TENM3: variants seen among roughly 807,000 people sequenced by gnomAD.
TENM3 encodes teneurin-3.
In TENM3, 63 loss-of-function variants were observed where a neutral mutation model predicts 255.1. The observed-to-expected ratio is 0.25, with a 90% CI of 0.20 to 0.30. The LOEUF (loss-of-function observed/expected upper bound fraction) is 0.30. Among genes scored for constraint, TENM3 ranks in the 10% least tolerant of loss-of-function variants. TENM3 has a pLI of 1.00. For synonymous variants in TENM3, 1,306 were observed against 1,322.3 expected (o/e 0.99, Z 0.27); for missense variants, 2,929 against 3,461.1 (o/e 0.85, Z 3.86).
At chr4:182,266,115 C>CGGTGTG (rs1432081370) in intron 1 of TENM3, among the ~76,000 whole-genome samples, 1 of 152,150 alleles carries the variant, frequency 6.6e-6, no homozygotes, top group Non-Finnish European at 1.5e-5. Context: ...CACTTCTGCC[C>CGGTGTG]GGTGTGTCCT....
chr4:182,725,181 G>A (rs1342295357), intron 13 of TENM3, among the ~76,000 whole-genome samples: 1 of 151,928 alleles, frequency 6.6e-6, no homozygotes, highest in Non-Finnish European at 1.5e-5. Flanking sequence ...GGGACTTCAG[G>A]TGCACACCAC....
At chr4:182,186,189 T>C (rs990854569) in intron 1 of TENM3, among the ~76,000 whole-genome samples, 15 of 152,156 alleles carry the variant, frequency 9.9e-5, no homozygotes, top group African/African-American at 3.6e-4. Context: ...CTCATGCAAG[T>C]GTGTGTGCAT....
At chr4:182,606,126 C>T (rs1021677703) in intron 4 of TENM3, among the ~76,000 whole-genome samples, 1 of 152,168 alleles carries the variant, frequency 6.6e-6, no homozygotes, top group Non-Finnish European at 1.5e-5. Context: ...GAAAAAGCTT[C>T]TATTGGCCTC....
chr4:181,617,092 A>C, the TENM3 span, among the ~76,000 whole-genome samples: 1 of 152,146 alleles, frequency 6.6e-6, no homozygotes, highest in African/African-American at 2.4e-5. Context: ...CACACACACT[A>C]ATGCACCAAT....
the TENM3 span, among the ~76,000 whole-genome samples, chr4:181,956,695 T>A: frequency 2.0e-5 from 3 of 152,316 alleles, no homozygotes; most frequent in Admixed American, 6.5e-5. Flanking sequence ...TTCTTCGGAT[T>A]CCCAAGGCTA....
chr4:181,587,124 G>A, the TENM3 span, among the ~76,000 whole-genome samples: 2 of 152,154 alleles, frequency 1.3e-5, no homozygotes, highest in South Asian at 4.2e-4. Context: ...AATATGTCTA[G>A]GCCAATGTAT....
At chr4:181,688,424 T>A in the TENM3 span, among the ~76,000 whole-genome samples, 1 of 152,196 alleles carries the variant, frequency 6.6e-6, no homozygotes, top group East Asian at 1.9e-4. Context: ...GTAAGTCGTA[T>A]CTTCAAACTC....
the TENM3 span, among the ~76,000 whole-genome samples, chr4:182,009,212 T>G: frequency 6.6e-6 from 1 of 152,086 alleles, no homozygotes; most frequent in South Asian, 2.1e-4. Context: ...TCTCATCCAG[T>G]TGGGTGGCAT....
chr4:181,904,579 G>A, the TENM3 span, among the ~76,000 whole-genome samples: 1 of 152,084 alleles, frequency 6.6e-6, no homozygotes, highest in Non-Finnish European at 1.5e-5. Context: ...AGGCCTAAAG[G>A]GATGTGACCC....
the TENM3 span, among the ~76,000 whole-genome samples, chr4:181,560,380 A>G: frequency 6.6e-6 from 1 of 152,120 alleles, no homozygotes; most frequent in Non-Finnish European, 1.5e-5. Flanking sequence ...GGGGACACAA[A>G]CATTCTGTCT....
chr4:182,325,525 CAT>C (rs1387849744), intron 2 of TENM3, among the ~76,000 whole-genome samples: 4 of 152,106 alleles, frequency 2.6e-5, no homozygotes, highest in Non-Finnish European at 4.4e-5. Context: ...AGATACAAAA[CAT>C]ATTTGAGGTA....
At chr4:181,961,577 G>A in the TENM3 span, among the ~76,000 whole-genome samples, 3 of 151,920 alleles carry the variant, frequency 2.0e-5, no homozygotes, top group South Asian at 2.1e-4. Flanking sequence ...CCGCCACCAC[G>A]TCCGGCTAAT....
In TENM3 at chr4:182,802,309, A is replaced by G. The variant is rs1443119721; in HGVS notation, c.*1958A>G. 6.6e-6 allele frequency: 1 copy of G among 152,668 alleles called. No homozygotes were observed. Among genetic ancestry groups the G allele is most frequent in the Admixed American group, 6.5e-5 (1 of 15,292 alleles). The allele number at this position is 152,668 out of a possible 1,614,324, so 9.5% of individuals were successfully genotyped here. On this transcript the variant is annotated 3_prime_UTR_variant, in exon 28 of 28. Transcript: ENST00000511685. ...TTTTTTATTCTGGAAATCCTTTGGC[A>G]AGTATTATGAAGCCCAAATTTAGAA... is the stretch of plus-strand genomic sequence containing the variant.
At chr4:182,158,138 A>G (rs1750840780) in intron 1 of TENM3, among the ~76,000 whole-genome samples, 1 of 152,200 alleles carries the variant, frequency 6.6e-6, no homozygotes, top group Admixed American at 6.5e-5. Flanking sequence ...TTTCTCCAAA[A>G]GGAGGTGCCA....
chr4:181,830,918 T>G, the TENM3 span, among the ~76,000 whole-genome samples: 1 of 152,166 alleles, frequency 6.6e-6, no homozygotes, highest in Non-Finnish European at 1.5e-5. Flanking sequence ...TCCCTAACTG[T>G]GTGCCTAAAT....
the TENM3 span, among the ~76,000 whole-genome samples, chr4:181,513,105 T>C: frequency 6.6e-6 from 1 of 152,206 alleles, no homozygotes; most frequent in Non-Finnish European, 1.5e-5. Context: ...CAAAAAGTTG[T>C]CTATAGTAAA....
the TENM3 span, among the ~76,000 whole-genome samples, chr4:182,069,504 C>T: frequency 6.6e-6 from 1 of 152,074 alleles, no homozygotes; most frequent in African/African-American, 2.4e-5. Flanking sequence ...CCTTGTTGGG[C>T]CCCTCAACTA....
intron 12 of TENM3, among the ~76,000 whole-genome samples, chr4:182,692,569 A>G (rs957556812): frequency 2.6e-5 from 4 of 152,034 alleles, no homozygotes; most frequent in African/African-American, 9.6e-5. Flanking sequence ...CTCTCTGTAG[A>G]CAGGCAAGTT....
chr4:181,501,222 A>G, the TENM3 span, among the ~76,000 whole-genome samples: 50 of 151,954 alleles, frequency 3.3e-4, no homozygotes, highest in African/African-American at 1.0e-3. Flanking sequence ...GCTGTTTCAG[A>G]CCTCCAGCTG....
Sources: allele counts gnomAD v4.1 joint callset (sites outside exome capture counted in the v4.1 genomes callset), GRCh38; gene constraint gnomAD v4.1.1; transcripts MANE v1.5; gene names NCBI Gene and HGNC (gene_info 2026-07-23, HGNC 2026-07-21).